INPP4A: variants seen among roughly 807,000 people sequenced by gnomAD.
INPP4A encodes inositol polyphosphate-4-phosphatase, type I, 107kD.
INPP4A carries 33 observed loss-of-function variants against 119.8 expected under a neutral mutation model. The observed-to-expected ratio is 0.28, with a 90% CI of 0.21 to 0.37. The LOEUF is 0.37. INPP4A is among the 10% of genes least tolerant of loss of function. The pLI, the probability that INPP4A is intolerant of heterozygous loss-of-function variation, is 1.00. For missense variants in INPP4A, 956 were observed against 1,289.9 expected (o/e 0.74, Z 3.97); for synonymous variants, 496 against 500.7 (o/e 0.99, Z 0.12).
At chr2:98,574,754 G>A (rs1381205104) in intron 23 of INPP4A, among the ~76,000 whole-genome samples, 3 of 152,132 alleles carry the variant, frequency 2.0e-5, no homozygotes, top group South Asian at 4.1e-4. Context: ...GTTTACAGAC[G>A]AGTAGTGCAG....
chr2:98,553,568 C>T (rs143490256), intron 14 of INPP4A, among the ~76,000 whole-genome samples: 17 of 152,078 alleles, frequency 1.1e-4, no homozygotes, highest in South Asian at 2.1e-4. Flanking sequence ...CACACACACA[C>T]GCTCTCATAC....
At chr2:98,460,905 C>T (rs1697027417) in intron 1 of INPP4A, among the ~76,000 whole-genome samples, 1 of 152,196 alleles carries the variant, frequency 6.6e-6, no homozygotes, top group African/African-American at 2.4e-5. Flanking sequence ...GCTGAAACAC[C>T]ATGAGGAAGA....
At chr2:98,493,840 G>A (rs1368189365) in intron 1 of INPP4A, among the ~76,000 whole-genome samples, 1 of 152,164 alleles carries the variant, frequency 6.6e-6, no homozygotes, top group African/African-American at 2.4e-5. Flanking sequence ...TGTTGATTAA[G>A]AATAAAGAAA....
At position 98,570,319 on chromosome 2, in the gene INPP4A, T is replaced by C. The variant is rs1465619416; in HGVS notation, c.2518+1651T>C. The stretch of plus-strand genomic sequence containing the variant: ...GAACAGCATCTGGAGGGGCCCCTGC[T>C]CTGGGGGACAGCGAGGAAGAAGGGA... On this transcript the variant is annotated intron_variant, in intron 22 of 24. Transcript: ENST00000409851. This position sits in a 1 kb window ranked among gnomAD's most constrained non-coding sequence, Gnocchi z 4.3. Among the ~76,000 whole-genome samples the C allele has an allele frequency of 9.9e-5, 15 of 152,118 alleles. No homozygotes were observed. The highest frequency in any genetic ancestry group is 1.5e-5 in the Non-Finnish European group (1 of 68,026).
At chr2:98,551,412 C>T (rs1407565751) in intron 13 of INPP4A, among the ~76,000 whole-genome samples, 1 of 152,170 alleles carries the variant, frequency 6.6e-6, no homozygotes, top group Non-Finnish European at 1.5e-5. Context: ...GTGCGGTCTG[C>T]TGCATGGGCT....
intron 1 of INPP4A, among the ~76,000 whole-genome samples, chr2:98,458,469 C>T (rs966477489): frequency 6.6e-6 from 1 of 152,166 alleles, no homozygotes; most frequent in African/African-American, 2.4e-5. Flanking sequence ...GCCTGTGATG[C>T]CTGAGCCTAG....
At chr2:98,543,442 C>T (rs963042734) in intron 10 of INPP4A, among the ~76,000 whole-genome samples, 8 of 152,158 alleles carry the variant, frequency 5.3e-5, no homozygotes, top group African/African-American at 1.9e-4. Flanking sequence ...CAGGAGGTGG[C>T]TCATTGCGAT....
chr2:98,572,912 C>T lies in INPP4A; in HGVS notation c.2616C>T (p.Leu872=), dbSNP rs1248307494. The part of the protein sequence containing the change: ...HARKNKNVDI[L]WQAAEICRRL... ...GGAAGAATAAGAACGTCGACATTCT[C>T]TGGCAAGCTGCTGAGGTACTGGTTA... Residue 872 remains leucine, a synonymous_variant, in exon 23 of 25, where the codon CTC becomes CTT. Coordinates refer to ENST00000409851, the MANE Select transcript of INPP4A (RefSeq NM_001134225.2). The T allele has an allele frequency of 1.3e-6, 2 of 1,572,094 alleles. No individual in the cohort carries two copies. Among genetic ancestry groups the T allele is most frequent in the Non-Finnish European group, 1.7e-6 (2 of 1,158,572 alleles).
At chr2:98,504,425 C>A (rs1683666514) in intron 1 of INPP4A, among the ~76,000 whole-genome samples, 2 of 152,310 alleles carry the variant, frequency 1.3e-5, no homozygotes, top group South Asian at 2.1e-4. Context: ...AGTAAAGTTG[C>A]TGAATGTGTG....
At chr2:98,518,117 T>TA (rs1686499661) in intron 1 of INPP4A, among the ~76,000 whole-genome samples, 1 of 152,270 alleles carries the variant, frequency 6.6e-6, no homozygotes, top group South Asian at 2.1e-4. Context: ...TGTACAACCA[T>TA]TACTGTAAAA....
At chr2:98,540,825 A>G (rs1691288503) in intron 10 of INPP4A, among the ~76,000 whole-genome samples, 1 of 152,236 alleles carries the variant, frequency 6.6e-6, no homozygotes, top group Non-Finnish European at 1.5e-5. Context: ...CCACTTCTCA[A>G]AACTGTGGCA....
intron 10 of INPP4A, among the ~76,000 whole-genome samples, chr2:98,540,611 G>C (rs763644783): frequency 3.3e-5 from 5 of 152,244 alleles, no homozygotes; most frequent in Admixed American, 1.3e-4. Flanking sequence ...AAGTCCAAAA[G>C]CATGGTACTG....
At chr2:98,483,593 A>C (rs115474380) in intron 1 of INPP4A, among the ~76,000 whole-genome samples, 2,513 of 152,222 alleles carry the variant, frequency 0.017, 68 homozygotes, top group African/African-American at 0.057. Context: ...TTTGTTGCAG[A>C]GTTGGCTTCC....
chr2:98,533,272 T>C (rs1689593161), intron 4 of INPP4A, 105 bp from the exon 5 acceptor site: 2 of 697,388 alleles, frequency 2.9e-6, no homozygotes, highest in Non-Finnish European at 5.1e-6. Context: ...CTCATCTCTT[T>C]GAATGTCATT....
At chr2:98,451,162 C>G (rs910400571) in intron 1 of INPP4A, among the ~76,000 whole-genome samples, 3 of 152,190 alleles carry the variant, frequency 2.0e-5, no homozygotes, top group Admixed American at 2.0e-4. Flanking sequence ...TTGCACATAC[C>G]TTTGTCATGC....
rs530298627 is a variant in INPP4A, at chr2:98,570,221, G to A, written c.2518+1553G>A. Among the ~76,000 whole-genome samples the A allele has an allele frequency of 5.9e-5, 9 of 152,328 alleles. No homozygotes were observed. In the South Asian group the frequency reaches 1.0e-3, roughly 18 times the overall value. On this transcript the variant is annotated intron_variant, in intron 22 of 24. Coordinates refer to ENST00000409851, the MANE Select transcript of INPP4A (RefSeq NM_001134225.2). The surrounding 1 kb of genome is among the most constrained non-coding windows in gnomAD (Gnocchi z 4.3). ...GACATGGGCAAATGACTTGTGGGGA[G>A]TGCAGATGTGGAGCCACAGAGCAGA...
At chr2:98,445,246 C>G (rs1007721656) in intron 1 of INPP4A, among the ~76,000 whole-genome samples, 161 bp downstream of exon 1, 1 of 152,146 alleles carries the variant, frequency 6.6e-6, no homozygotes, top group Non-Finnish European at 1.5e-5. Flanking sequence ...TGCCAGTGGT[C>G]CACCTGCGGT....
chr2:98,542,422 TA>T (rs371048994), intron 10 of INPP4A, among the ~76,000 whole-genome samples: 3,307 of 150,114 alleles, frequency 0.022, 118 homozygotes, highest in African/African-American at 0.074. Context: ...GAGTGCAGTA[TA>T]AAAAAAAAAT....
chr2:98,587,458 T>G lies in INPP4A; in HGVS notation c.2787-18T>G. 1 of 1,565,452 alleles carries G rather than the reference T, an allele frequency of 6.4e-7. No individual in the cohort carries two copies. The highest frequency in any genetic ancestry group is 8.6e-7 in the Non-Finnish European group (1 of 1,159,044). On this transcript the variant is annotated intron_variant, in intron 24 of 24. Transcript: ENST00000409851. ...CCTTTTTTACTGCCGTCATTTCTTGTGCTTGTTTTTTCCCCAGTGAGGGTT... is the reference window on the plus strand; with the variant it reads ...CCTTTTTTACTGCCGTCATTTCTTGGGCTTGTTTTTTCCCCAGTGAGGGTT...
Sources: allele counts gnomAD v4.1 joint callset (sites outside exome capture counted in the v4.1 genomes callset), GRCh38; gene constraint gnomAD v4.1.1; non-coding constraint Gnocchi (gnomAD v3.1); transcripts MANE v1.5; gene names NCBI Gene and HGNC (gene_info 2026-07-23, HGNC 2026-07-21).